Variants in LRRC49 observed in about 807,000 individuals in gnomAD.
The protein encoded by LRRC49 is leucine rich repeat containing 49, also known as leucine-rich repeat-containing protein 49.
A neutral mutation model predicts 83.3 loss-of-function variants in LRRC49; 50 were observed. The observed-to-expected ratio is 0.60, with a 90% CI of 0.48 to 0.76. The LOEUF is 0.76. Ranked by LOEUF, LRRC49 falls within the 30% of genes least tolerant of loss-of-function variation. The pLI is 0.00. For synonymous variants in LRRC49, 286 were observed against 283.3 expected (o/e 1.01, Z -0.10); for missense variants, 704 against 809.1 (o/e 0.87, Z 1.58).
chr15:70,880,591 C>T (rs943460842), intron 2 of LRRC49, among the ~76,000 whole-genome samples: 2 of 152,146 alleles, frequency 1.3e-5, no homozygotes, highest in African/African-American at 4.8e-5. Flanking sequence ...CCTTATACGT[C>T]ATTTAAAATA....
intron 1 of LRRC49, among the ~76,000 whole-genome samples, chr15:70,869,070 A>G (rs2032972079): frequency 1.3e-5 from 2 of 152,214 alleles, no homozygotes; most frequent in Admixed American, 6.5e-5. Flanking sequence ...TAATATCTCT[A>G]CAGTGGAGTA....
intron 9 of LRRC49, among the ~76,000 whole-genome samples, chr15:70,968,048 T>A (rs1451902466): frequency 1.3e-5 from 2 of 152,130 alleles, no homozygotes; most frequent in Non-Finnish European, 2.9e-5. Flanking sequence ...TGCAGGTTTG[T>A]TACATAGGTA....
intron 7 of LRRC49, among the ~76,000 whole-genome samples, chr15:70,933,381 A>G (rs2035483485): frequency 6.6e-6 from 1 of 152,152 alleles, no homozygotes; most frequent in Admixed American, 6.5e-5. Context: ...AGGTATGTTA[A>G]CATTCTGGCT....
chr15:70,957,358 A>G (rs879227786), intron 8 of LRRC49, among the ~76,000 whole-genome samples: 20 of 152,196 alleles, frequency 1.3e-4, no homozygotes, highest in African/African-American at 4.8e-4. Context: ...GCTTTTGTAC[A>G]TATTATTTTC....
intron 11 of LRRC49, among the ~76,000 whole-genome samples, chr15:70,993,918 C>T (rs1396806345): frequency 6.6e-6 from 1 of 152,152 alleles, no homozygotes. Context: ...GATGTTGGCT[C>T]ACGGCAACCT....
intron 8 of LRRC49, 85 bp downstream of exon 8, chr15:70,936,907 G>T: frequency 3.5e-6 from 3 of 853,852 alleles, no homozygotes; most frequent in South Asian, 1.6e-5. Flanking sequence ...AAATACCTTG[G>T]AGAATTTTAC....
intron 1 of LRRC49, among the ~76,000 whole-genome samples, chr15:70,872,073 G>C (rs1006694921): frequency 3.9e-5 from 6 of 152,222 alleles, no homozygotes; most frequent in African/African-American, 1.4e-4. Context: ...GAAGCAAGCC[G>C]AGATCACGCC....
intron 8 of LRRC49, among the ~76,000 whole-genome samples, chr15:70,941,804 T>C (rs2035828681): frequency 6.6e-6 from 1 of 152,212 alleles, no homozygotes; most frequent in Admixed American, 6.5e-5. Flanking sequence ...CCGTGTATGC[T>C]TTCCAACTTC....
chr15:70,924,506 A>G (rs1426896403), intron 7 of LRRC49, among the ~76,000 whole-genome samples: 1 of 152,046 alleles, frequency 6.6e-6, no homozygotes. Flanking sequence ...GTTAATACAC[A>G]TCTCTACACT....
At chr15:70,972,382 G>A (rs550121781) in intron 9 of LRRC49, among the ~76,000 whole-genome samples, 24 of 152,004 alleles carry the variant, frequency 1.6e-4, no homozygotes, top group East Asian at 9.7e-4. Context: ...CCCCTTTGTA[G>A]ATAACGCAAC....
At chr15:70,933,992 T>C (rs1458717356) in intron 7 of LRRC49, among the ~76,000 whole-genome samples, 1 of 152,176 alleles carries the variant, frequency 6.6e-6, no homozygotes, top group Non-Finnish European at 1.5e-5. Flanking sequence ...GATCTGTGTT[T>C]CATTTTTACC....
rs1252538891 is a variant in LRRC49, at chr15:71,051,271, A to G, written c.*1659A>G. On this transcript the variant is annotated 3_prime_UTR_variant, in exon 16 of 16. Coordinates refer to ENST00000260382, the MANE Select transcript of LRRC49 (RefSeq NM_017691.5). ...AAACAATGCATGTAAAGCATTTCTC[A>G]TCATGCCTGGCACACAGCAAACACC... is the stretch of plus-strand genomic sequence containing the variant. 2 of 152,280 alleles carry G rather than the reference A, an allele frequency of 1.3e-5. No homozygotes were observed. The highest frequency in any genetic ancestry group is 2.9e-5 in the Non-Finnish European group (2 of 68,096). The allele number at this position is 152,280 out of a possible 1,614,324, so 9.4% of individuals were successfully genotyped here. A position where few individuals can be genotyped will look rare whatever the true frequency, so the allele number is the denominator to read the frequency against.
chr15:70,945,518 C>CGTGTGT (rs1567063903), intron 8 of LRRC49, among the ~76,000 whole-genome samples: 1 of 84,280 alleles, frequency 1.2e-5, no homozygotes, highest in African/African-American at 4.1e-5. Flanking sequence ...TATTTAACAA[C>CGTGTGT]CTGTGTGTGT....
intron 5 of LRRC49, among the ~76,000 whole-genome samples, chr15:70,909,839 AACACACACACACACAC>A (rs146189261): frequency 7.3e-6 from 1 of 136,090 alleles, no homozygotes; most frequent in Non-Finnish European, 1.6e-5. Context: ...CTCCATCTCA[AACACACACACACACAC>A]ACACACACAC....
At chr15:70,985,938 G>A in intron 11 of LRRC49, among the ~76,000 whole-genome samples, 1 of 144,158 alleles carries the variant, frequency 6.9e-6, no homozygotes, top group African/African-American at 2.5e-5. Flanking sequence ...TCAGATAGTT[G>A]TAGATATGCG....
intron 11 of LRRC49, among the ~76,000 whole-genome samples, chr15:70,995,940 G>A (rs2038060832): frequency 2.0e-5 from 3 of 152,106 alleles, no homozygotes; most frequent in Admixed American, 2.0e-4. Flanking sequence ...GAAAGAGTTT[G>A]GGAGAGATGG....
At position 71,011,664 on chromosome 15, in the gene LRRC49, A is replaced by G. The variant is rs535867368; in HGVS notation, c.1594-1140A>G. Reference sequence around the variant, plus strand: ...ATTAAATTGAATTAATAGCATCAAGAAAACATGGAGTAGTGGCCTGCATTG... The same window carrying G: ...ATTAAATTGAATTAATAGCATCAAGGAAACATGGAGTAGTGGCCTGCATTG... On this transcript the variant is annotated intron_variant, in intron 13 of 15. Transcript: ENST00000260382. Among the ~76,000 whole-genome samples, 5 of 152,288 alleles carry G rather than the reference A, an allele frequency of 3.3e-5. No homozygotes were observed. In the East Asian group the frequency reaches 9.6e-4, roughly 29 times the overall value.
intron 11 of LRRC49, among the ~76,000 whole-genome samples, chr15:70,990,184 AG>A (rs1467985751): frequency 1.3e-5 from 2 of 152,198 alleles, no homozygotes; most frequent in East Asian, 3.9e-4. Flanking sequence ...GGGACATTTA[AG>A]TCTGCGGAGG....
intron 11 of LRRC49, among the ~76,000 whole-genome samples, chr15:70,986,830 A>C (rs1482122620): frequency 6.6e-6 from 1 of 152,150 alleles, no homozygotes; most frequent in Non-Finnish European, 1.5e-5. Flanking sequence ...ATTTATTGAG[A>C]GTTTTTAGCA....
Sources: allele counts gnomAD v4.1 joint callset (sites outside exome capture counted in the v4.1 genomes callset), GRCh38; gene constraint gnomAD v4.1.1; transcripts MANE v1.5; gene names NCBI Gene and HGNC (gene_info 2026-07-23, HGNC 2026-07-21).